The following ZNF717 variants were observed in gnomAD, a reference collection of about 807,000 sequenced individuals.
ZNF717 encodes zinc finger protein 717.
ZNF717 carries 9 observed loss-of-function variants against 13.8 expected under a neutral mutation model. The observed-to-expected ratio is 0.65, with a 90% CI of 0.39 to 1.14. ZNF717 has a LOEUF of 1.14. Among genes scored for constraint, ZNF717 ranks in the 50% most tolerant of loss-of-function variants. The pLI is 0.01. For synonymous variants in ZNF717, 327 were observed against 364.1 expected (o/e 0.90, Z 1.16); for missense variants, 1,040 against 1,080.7 (o/e 0.96, Z 0.53).
chr3:75,735,860 G>A (rs1575748775), downstream of ZNF717: 2 of 152,054 alleles, frequency 1.3e-5, no homozygotes, highest in African/African-American at 4.8e-5. Context: ...TCAAAATAGA[G>A]GCACATCTCA....
At chr3:75,729,612 T>C (rs1177054516), downstream of ZNF717, among the ~76,000 whole-genome samples, 518 of 56,970 alleles carry the variant, frequency 9.1e-3, no homozygotes, top group Admixed American at 0.022. Context: ...CGAAACTCCA[T>C]ATCAAAAAAA....
chr3:75,726,064 C>A (rs1938273009), downstream of ZNF717, among the ~76,000 whole-genome samples: 2 of 152,366 alleles, frequency 1.3e-5, no homozygotes, highest in African/African-American at 4.8e-5. Context: ...AGTAAGATAG[C>A]TACTCTTTCA....
At chr3:75,743,805 T>C (rs930641088) in intron 2 of ZNF717, among the ~76,000 whole-genome samples, 20 of 152,258 alleles carry the variant, frequency 1.3e-4, no homozygotes, top group African/African-American at 4.3e-4. Context: ...AGTTTGGTAC[T>C]GGTGTTGTGA....
chr3:75,699,542 G>A (rs576482971), intron 6 of ZNF717, among the ~76,000 whole-genome samples: 1 of 152,296 alleles, frequency 6.6e-6, no homozygotes, highest in African/African-American at 2.4e-5. Flanking sequence ...CTACAAGTGT[G>A]TGTAGCACCT....
intron 2 of ZNF717, among the ~76,000 whole-genome samples, chr3:75,780,427 T>G (rs137984526): frequency 7.1e-6 from 1 of 140,416 alleles, no homozygotes; most frequent in African/African-American, 2.6e-5. Flanking sequence ...TTTTCTGAGA[T>G]AGAGTCTTGC....
At chr3:75,725,507 G>A (rs1938261459), downstream of ZNF717, among the ~76,000 whole-genome samples, 1 of 152,248 alleles carries the variant, frequency 6.6e-6, no homozygotes, top group African/African-American at 2.4e-5. Context: ...CTCTGTTTCT[G>A]CACCTTCCTG....
exon 6 of ZNF717, chr3:75,710,253 T>G (rs1237876900): frequency 6.6e-6 from 1 of 152,278 alleles, no homozygotes; most frequent in Non-Finnish European, 1.5e-5. Flanking sequence ...TACAGACAAC[T>G]AATTGAATAA....
In ZNF717 at chr3:75,746,041, A is replaced by C. The variant is rs1370317375; in HGVS notation, c.58-4305T>G. 3.3e-5 allele frequency among the ~76,000 whole-genome samples: 5 copies of C among 151,852 alleles called. No individual in the cohort carries two copies. The East Asian group carries it at 5.8e-4, about 18-fold the overall frequency. ...CACCCTGCTCCCCCTACCCCACAAC[A>C]AGCCCCGGTGTGTGATGTTCCCCTT... On this transcript the variant is annotated intron_variant, in intron 2 of 4. Transcript: ENST00000652011.
intron 2 of ZNF717, among the ~76,000 whole-genome samples, chr3:75,749,241 T>C (rs1255075988): frequency 6.6e-6 from 1 of 152,050 alleles, no homozygotes. Flanking sequence ...CCACTCCTGC[T>C]GTGGTCCGAA....
intron 2 of ZNF717, among the ~76,000 whole-genome samples, chr3:75,769,278 T>C (rs995679212): frequency 3.3e-5 from 5 of 152,084 alleles, no homozygotes; most frequent in Non-Finnish European, 7.4e-5. Flanking sequence ...CCTGACTACC[T>C]GACGATGCCA....
At chr3:75,772,884 T>TC (rs1944012709) in intron 2 of ZNF717, among the ~76,000 whole-genome samples, 1 of 152,218 alleles carries the variant, frequency 6.6e-6, no homozygotes, top group Non-Finnish European at 1.5e-5. Context: ...CAGCTGGGGA[T>TC]TGTGGTAAAT....
intron 4 of ZNF717, among the ~76,000 whole-genome samples, chr3:75,721,572 C>G (rs76474818): frequency 6.6e-6 from 1 of 152,328 alleles, no homozygotes; most frequent in Admixed American, 6.5e-5. Flanking sequence ...TGAGCCCCCA[C>G]GCCTGGCCTG....
chr3:75,720,482 C>T lies in ZNF717; in HGVS notation n.545-3941G>A, dbSNP rs543234176. ...TGGGAACAATAGACACTAGGGACTTCAAGGAGGGAGGAGGGAATGGGGCAA... is the reference window on the plus strand; with the variant it reads ...TGGGAACAATAGACACTAGGGACTTTAAGGAGGGAGGAGGGAATGGGGCAA... On this transcript the variant is annotated intron_variant and non_coding_transcript_variant, in intron 4 of 5. Coordinates refer to the ZNF717 transcript ENST00000491507. Among the ~76,000 whole-genome samples the T allele has an allele frequency of 4.1e-5, 6 of 147,904 alleles. No individual in the cohort carries two copies. In the East Asian group the frequency reaches 1.2e-3, roughly 29 times the overall value.
chr3:75,780,665 G>T (rs2107739582), intron 2 of ZNF717, among the ~76,000 whole-genome samples: 1 of 152,370 alleles, frequency 6.6e-6, no homozygotes, highest in African/African-American at 2.4e-5. Context: ...CTCCCAAAGT[G>T]CTGGGATTAC....
At chr3:75,781,246 C>G (rs1944797557) in intron 2 of ZNF717, among the ~76,000 whole-genome samples, 2 of 152,276 alleles carry the variant, frequency 1.3e-5, no homozygotes, top group Admixed American at 6.5e-5. Flanking sequence ...AAACTTCAAC[C>G]ACTCAGGCAC....
intron 2 of ZNF717, among the ~76,000 whole-genome samples, chr3:75,742,195 A>T (rs1304720755): frequency 2.1e-5 from 1 of 46,816 alleles, no homozygotes; most frequent in Non-Finnish European, 7.0e-5. Flanking sequence ...ATAATGCTGC[A>T]TGCCTGTAGT....
At chr3:75,733,966 G>A (rs1254975031), downstream of ZNF717, among the ~76,000 whole-genome samples, 1 of 142,750 alleles carries the variant, frequency 7.0e-6, no homozygotes, top group African/African-American at 2.6e-5. Context: ...AACAAAAGTT[G>A]AGGAAACTTG....
At chr3:75,727,115 T>A (rs1938298778), downstream of ZNF717, among the ~76,000 whole-genome samples, 1 of 152,278 alleles carries the variant, frequency 6.6e-6, no homozygotes, top group Non-Finnish European at 1.5e-5. Flanking sequence ...AATACTTTTA[T>A]AATTTCTTAT....
downstream of ZNF717, among the ~76,000 whole-genome samples, chr3:75,708,062 C>T (rs1446965719): frequency 1.3e-5 from 2 of 152,250 alleles, no homozygotes; most frequent in Non-Finnish European, 2.9e-5. Context: ...GTAACCTCTG[C>T]AGACTCAAAT....
Sources: gnomAD v4.1 joint callset for allele counts (sites outside exome capture counted in the v4.1 genomes callset) on GRCh38, gnomAD v4.1.1 for gene constraint, MANE v1.5 for transcripts, NCBI Gene and HGNC (gene_info 2026-07-23, HGNC 2026-07-21) for gene names.